Variants in LARP4 observed in about 807,000 individuals in gnomAD.
LARP4 encodes the protein la-related protein 4.
A neutral mutation model predicts 92.9 loss-of-function variants in LARP4; 29 were observed. The ratio of observed to expected loss-of-function variants is 0.31; its 90% CI spans 0.23 to 0.43. LARP4 has a LOEUF of 0.43. LARP4 is among the 20% of genes least tolerant of loss of function. LARP4 has a pLI of 1.00. For synonymous variants in LARP4, 279 were observed against 284.1 expected (o/e 0.98, Z 0.18); for missense variants, 732 against 860.0 (o/e 0.85, Z 1.86).
intron 5 of LARP4, among the ~76,000 whole-genome samples, chr12:50,437,531 A>G (rs1426415125): frequency 6.6e-6 from 1 of 152,208 alleles, no homozygotes; most frequent in Non-Finnish European, 1.5e-5. Context: ...TCAATGAATA[A>G]CATTTGACAG....
At chr12:50,436,516 C>T (rs1950490508) in intron 5 of LARP4, among the ~76,000 whole-genome samples, 1 of 152,132 alleles carries the variant, frequency 6.6e-6, no homozygotes, top group African/African-American at 2.4e-5. Flanking sequence ...CACCATATAC[C>T]TACACCTGAC....
At chr12:50,428,175 C>T (rs60201334) in intron 2 of LARP4, among the ~76,000 whole-genome samples, 16,416 of 151,512 alleles carry the variant, frequency 0.11, 1,752 homozygotes, top group East Asian at 0.45. Context: ...ATCCCACACC[C>T]GGTTACCACA....
chr12:50,435,584 G>A lies in LARP4; in HGVS notation c.495G>A (p.Lys165=). ...WTVANMEEIK[K]LTTDPDLILE... ...TTGCCAACATGGAAGAAATAAAAAA[G>A]TTGACTACAGACCCTGATCTAATTC... The change falls in exon 5 of 16, where the codon AAG becomes AAA. Residue 165 remains lysine (K), a synonymous_variant. Transcript: ENST00000398473. 6.2e-7 allele frequency: 1 copy of A among 1,607,640 alleles called. No individual in the cohort carries two copies. Among genetic ancestry groups the A allele is most frequent in the Non-Finnish European group, 8.5e-7 (1 of 1,174,370 alleles).
At chr12:50,459,992 C>T (rs536609724) in intron 10 of LARP4, among the ~76,000 whole-genome samples, 5 of 150,958 alleles carry the variant, frequency 3.3e-5, no homozygotes, top group Non-Finnish European at 5.9e-5. Context: ...CAAAATTAGC[C>T]GGGTGTGGTG....
At chr12:50,443,637 G>A (rs1407070432) in intron 8 of LARP4, among the ~76,000 whole-genome samples, 3 of 151,694 alleles carry the variant, frequency 2.0e-5, no homozygotes, top group Non-Finnish European at 4.4e-5. Flanking sequence ...TTGAAATGGC[G>A]TTTCACTCTT....
At chr12:50,469,273 G>A (rs1555172899) in intron 13 of LARP4, among the ~76,000 whole-genome samples, 1 of 151,850 alleles carries the variant, frequency 6.6e-6, no homozygotes, top group African/African-American at 2.4e-5. Context: ...TTCCCCCCAT[G>A]TTTTATCACC....
At chr12:50,455,352 T>C (rs1266253333) in intron 10 of LARP4, among the ~76,000 whole-genome samples, 1 of 152,200 alleles carries the variant, frequency 6.6e-6, no homozygotes, top group Non-Finnish European at 1.5e-5. Context: ...ACAGGCGTGA[T>C]ACTATGGCTT....
chr12:50,413,613 A>G (rs370632273), intron 1 of LARP4, among the ~76,000 whole-genome samples: 7 of 152,302 alleles, frequency 4.6e-5, no homozygotes, highest in African/African-American at 1.7e-4. Flanking sequence ...CCTAGGCTAT[A>G]TGGTATGGCT....
At chr12:50,420,498 A>T (rs1268986670) in intron 1 of LARP4, among the ~76,000 whole-genome samples, 1 of 152,246 alleles carries the variant, frequency 6.6e-6, no homozygotes, top group Non-Finnish European at 1.5e-5. Flanking sequence ...AGCAGATCCC[A>T]GTTATATCAG....
intron 1 of LARP4, among the ~76,000 whole-genome samples, chr12:50,423,956 A>G (rs980267651): frequency 6.4e-4 from 98 of 151,978 alleles, no homozygotes; most frequent in African/African-American, 2.3e-3. Flanking sequence ...GGGTTTCACC[A>G]TGTTGGCCAG....
intron 1 of LARP4, among the ~76,000 whole-genome samples, chr12:50,421,643 A>AAAAAAAAT (rs1947812820): frequency 6.8e-6 from 1 of 147,886 alleles, no homozygotes; most frequent in Non-Finnish European, 1.5e-5. Context: ...ACTTCATCAC[A>AAAAAAAAT]AAATAAATAA....
chr12:50,435,575 A>G lies in LARP4; in HGVS notation c.486A>G (p.Glu162=). Residue 162 remains glutamate, a synonymous_variant, in exon 5 of 16, where the codon GAA becomes GAG. Transcript: ENST00000398473. ...TTTGGACAGTTGCCAACATGGAAGA[A>G]ATAAAAAAGTTGACTACAGACCCTG... ...IPIWTVANME[E]IKKLTTDPDL... is the part of the protein sequence containing the mutation. 3.1e-6 allele frequency: 5 copies of G among 1,607,816 alleles called. No individual in the cohort carries two copies. The African/African-American group carries it at 6.7e-5, about 21-fold the overall frequency.
At chr12:50,433,776 AG>A (rs1210430584) in intron 4 of LARP4, among the ~76,000 whole-genome samples, 10 of 151,806 alleles carry the variant, frequency 6.6e-5, no homozygotes, top group South Asian at 4.2e-4. Flanking sequence ...AGTAGCTGGG[AG>A]TACGGGCACG....
At position 50,400,898 on chromosome 12, in the gene LARP4, G is replaced by A; in HGVS notation, c.-113G>A. 1 of 1,470,466 alleles carries A rather than the reference G, an allele frequency of 6.8e-7. No homozygotes were observed. Among genetic ancestry groups the A allele is most frequent in the Non-Finnish European group, 9.5e-7 (1 of 1,049,362 alleles). The allele number at this position is 1,470,466 out of a possible 1,614,324, so 91.1% of individuals were successfully genotyped here. ...CGGCAGGGGAGGAGCCGGGTCCACT[G>A]CCGGGTGGAGGGGCAAGGCGAGTGT... On this transcript the variant is annotated 5_prime_UTR_variant, in exon 1 of 16. Transcript: ENST00000398473.
At position 50,405,439 on chromosome 12, in the gene LARP4, C is replaced by G. The variant is rs142596504; in HGVS notation, c.18+4411C>G. On this transcript the variant is annotated intron_variant, in intron 1 of 15. Transcript: ENST00000398473. The stretch of plus-strand genomic sequence containing the variant: ...TTTAAAAAAATTTTTTCATTTCTCT[C>G]TTTTATTTACAGTTTTTTTTTTAAT... Among the ~76,000 whole-genome samples the G allele has an allele frequency of 1.5e-4, 20 of 131,398 alleles. No individual in the cohort carries two copies. In the East Asian group the frequency reaches 4.0e-3, roughly 26 times the overall value. The allele number at this position is 131,398 out of a possible 152,430, so 86.2% of individuals were successfully genotyped here.
At chr12:50,446,429 ATTTTTTT>A (rs71083573) in intron 8 of LARP4, among the ~76,000 whole-genome samples, 10 of 3,918 alleles carry the variant, frequency 2.6e-3, no homozygotes, top group African/African-American at 7.5e-3. Flanking sequence ...ATATATATAT[ATTTTTTT>A]TTTTTTTTAT....
At chr12:50,410,555 A>C (rs1276980601) in intron 1 of LARP4, among the ~76,000 whole-genome samples, 1 of 150,590 alleles carries the variant, frequency 6.6e-6, no homozygotes, top group Non-Finnish European at 1.5e-5. Flanking sequence ...ACAGGCGCCC[A>C]CCACCACGCC....
intron 1 of LARP4, among the ~76,000 whole-genome samples, chr12:50,424,440 C>A (rs1240984239): frequency 2.6e-5 from 4 of 151,698 alleles, no homozygotes; most frequent in Non-Finnish European, 5.9e-5. Flanking sequence ...CTCACCGCAA[C>A]CACTGTCTAT....
intron 12 of LARP4, among the ~76,000 whole-genome samples, chr12:50,463,584 C>G (rs909396372): frequency 6.6e-6 from 1 of 152,050 alleles, no homozygotes; most frequent in Non-Finnish European, 1.5e-5. Context: ...GAGACTCTGT[C>G]TCAAAAATAA....
Sources: gnomAD v4.1 joint callset for allele counts (sites outside exome capture counted in the v4.1 genomes callset) on GRCh38, gnomAD v4.1.1 for gene constraint, MANE v1.5 for transcripts, NCBI Gene and HGNC (gene_info 2026-07-23, HGNC 2026-07-21) for gene names.